B3GAT2: variants seen among roughly 807,000 people sequenced by gnomAD.
B3GAT2 encodes the protein beta-1,3-glucuronyltransferase 2.
In B3GAT2, 26 loss-of-function variants were observed where a neutral mutation model predicts 27.8. The observed-to-expected ratio is 0.93, with a 90% CI of 0.68 to 1.30. B3GAT2 has a LOEUF of 1.30. B3GAT2 is among the 50% of genes most tolerant of loss of function. The probability of loss-of-function intolerance (pLI) is 0.00; values close to 1 mark genes in which losing one functional copy is unlikely to be tolerated. For missense variants in B3GAT2, 458 were observed against 459.0 expected (o/e 1.00, Z 0.02); for synonymous variants, 218 against 195.1 (o/e 1.12, Z -0.98).
rs78185032 is a variant in B3GAT2 at position 70,892,816 on chromosome 6, C to G, written c.736+1312G>C. ...TATGCCCCATGTTTTCAGGGCCATG[C>G]ACTCTGAGCGGGTCGAGGGCAGGCC... On this transcript the variant is annotated intron_variant, in intron 2 of 3. Coordinates refer to ENST00000230053, the MANE Select transcript of B3GAT2 (RefSeq NM_080742.3). Among the ~76,000 whole-genome samples, 592 of 152,336 alleles carry G rather than the reference C, an allele frequency of 3.9e-3. 7 individuals are homozygous for G. Among genetic ancestry groups the G allele is most frequent in the African/African-American group, 0.014 (581 of 41,568 alleles).
rs117334734 is a variant in B3GAT2 at position 70,957,039 on chromosome 6, G to C, written c.-610C>G. On this transcript the variant is annotated 5_prime_UTR_variant, in exon 1 of 4. Transcript: ENST00000230053. ...TCAGTCCCTTGCTCTTGTCTTCTCA[G>C]AACCTCTCCGGATCCAGCAGCAAGA... 7.2e-4 allele frequency: 715 copies of C among 987,492 alleles called. 9 individuals are homozygous for C. The East Asian group carries it at 0.05, about 70-fold the overall frequency. 61.2% of individuals were successfully genotyped at this position (987,492 alleles called of 1,614,324 possible).
chr6:70,870,846 T>G (rs1301211967), intron 2 of B3GAT2, among the ~76,000 whole-genome samples: 1 of 152,152 alleles, frequency 6.6e-6, no homozygotes, highest in Non-Finnish European at 1.5e-5. Flanking sequence ...CTTTCGGCAT[T>G]CAACTATTAA....
chr6:70,859,355 C>G lies in B3GAT2; in HGVS notation c.*2308G>C. The G allele has an allele frequency of 5.2e-6, 8 of 1,549,054 alleles. No individual in the cohort carries two copies. Among genetic ancestry groups the G allele is most frequent in the Non-Finnish European group, 7.0e-6 (8 of 1,146,260 alleles). On this transcript the variant is annotated 3_prime_UTR_variant, in exon 4 of 4. Transcript: ENST00000230053. The stretch of plus-strand genomic sequence containing the variant: ...TAATGCAGAAGGGTGATGCTGTTCT[C>G]CAGCACTCCATCAGTGCAATCTACT...
chr6:70,911,736 A>G (rs931475543), intron 1 of B3GAT2, among the ~76,000 whole-genome samples: 7 of 152,224 alleles, frequency 4.6e-5, no homozygotes, highest in African/African-American at 1.7e-4. Flanking sequence ...TGCTTTGGGC[A>G]GTATGGCCAC....
At position 70,860,800 on chromosome 6, in the gene B3GAT2, T is replaced by TATC. The variant is rs1310614454; in HGVS notation, c.*860_*862dup. The TATC allele has an allele frequency of 2.5e-6, 1 of 398,342 alleles. No individual in the cohort carries two copies. The highest frequency in any genetic ancestry group is 4.4e-6 in the Non-Finnish European group (1 of 225,722). The allele number at this position is 398,342 out of a possible 1,614,324, so 24.7% of individuals were successfully genotyped here. A position where few individuals can be genotyped will look rare whatever the true frequency, so the allele number is the denominator to read the frequency against. On this transcript the variant is annotated 3_prime_UTR_variant, in exon 4 of 4. Transcript: ENST00000230053. ...TCTCACTGAGCACTGTTTTCTAGTG[T>TATC]ATCAAAATGCTCTTATTTCATCATT...
intron 1 of B3GAT2, among the ~76,000 whole-genome samples, chr6:70,924,671 C>G (rs771018476): frequency 6.6e-6 from 1 of 152,140 alleles, no homozygotes; most frequent in Admixed American, 6.5e-5. Flanking sequence ...ATCCAACCAG[C>G]CTGCATCTTG....
In B3GAT2 at chr6:70,858,605, C is replaced by T. The variant is rs1013557275; in HGVS notation, c.*3058G>A. ...CCAGCTTGCTGGTGGGACATTTTTA[C>T]AGTCCACTTAGACAACTTAGCTTCA... On this transcript the variant is annotated 3_prime_UTR_variant, in exon 4 of 4. Transcript: ENST00000230053. 2.6e-4 allele frequency: 43 copies of T among 163,390 alleles called. 1 individual carries two copies. Among genetic ancestry groups the T allele is most frequent in the Middle Eastern group, 2.9e-3 (1 of 350 alleles). 10.1% of individuals were successfully genotyped at this position (163,390 alleles called of 1,614,324 possible). A position where few individuals can be genotyped will look rare whatever the true frequency, so the allele number is the denominator to read the frequency against.
At chr6:70,925,135 T>C (rs1029401298) in intron 1 of B3GAT2, among the ~76,000 whole-genome samples, 1 of 152,002 alleles carries the variant, frequency 6.6e-6, no homozygotes, top group African/African-American at 2.4e-5. Context: ...TTGTCATCTC[T>C]CTCCCTGCCA....
intron 1 of B3GAT2, among the ~76,000 whole-genome samples, chr6:70,929,087 A>T (rs1223993726): frequency 6.6e-6 from 1 of 152,086 alleles, no homozygotes; most frequent in Non-Finnish European, 1.5e-5. Context: ...GGAAACCATC[A>T]TTCTCAGCAA....
At chr6:70,935,594 A>G (rs1215677503) in intron 1 of B3GAT2, among the ~76,000 whole-genome samples, 1 of 152,188 alleles carries the variant, frequency 6.6e-6, no homozygotes, top group Non-Finnish European at 1.5e-5. Context: ...TTCATTACAA[A>G]TGTCAACATT....
At chr6:70,928,653 G>T (rs891667647) in intron 1 of B3GAT2, among the ~76,000 whole-genome samples, 22 of 152,148 alleles carry the variant, frequency 1.4e-4, no homozygotes, top group Non-Finnish European at 5.9e-5. Flanking sequence ...TTGAATCCCT[G>T]AATAGACCAA....
chr6:70,885,536 C>A (rs901136971), intron 2 of B3GAT2, among the ~76,000 whole-genome samples: 2 of 152,150 alleles, frequency 1.3e-5, no homozygotes, highest in Non-Finnish European at 2.9e-5. Flanking sequence ...TGCCATCCTG[C>A]ATGCTGAGCC....
chr6:70,897,910 T>G (rs927864704), intron 1 of B3GAT2, among the ~76,000 whole-genome samples: 2 of 152,152 alleles, frequency 1.3e-5, no homozygotes, highest in African/African-American at 4.8e-5. Context: ...TTTTCAAAAA[T>G]CAGCTATGCA....
At chr6:70,881,702 C>T (rs1334104514) in intron 2 of B3GAT2, among the ~76,000 whole-genome samples, 2 of 152,144 alleles carry the variant, frequency 1.3e-5, no homozygotes, top group African/African-American at 4.8e-5. Context: ...CTCTGCCATG[C>T]GAGGAAGCTG....
At chr6:70,890,833 TG>T (rs957957275) in intron 2 of B3GAT2, among the ~76,000 whole-genome samples, 3 of 152,224 alleles carry the variant, frequency 2.0e-5, no homozygotes, top group African/African-American at 7.2e-5. Context: ...GCAACTCAAC[TG>T]GGAACTGCAT....
At chr6:70,867,732 A>G (rs187156759) in intron 2 of B3GAT2, among the ~76,000 whole-genome samples, 1 of 152,282 alleles carries the variant, frequency 6.6e-6, no homozygotes, top group African/African-American at 2.4e-5. Context: ...AATTCTACCA[A>G]GCATTTAAGG....
At chr6:70,876,289 G>T (rs1287233960) in intron 2 of B3GAT2, among the ~76,000 whole-genome samples, 2 of 152,194 alleles carry the variant, frequency 1.3e-5, no homozygotes, top group African/African-American at 2.4e-5. Context: ...ATTCACTAAT[G>T]AAGCTATTAC....
intron 1 of B3GAT2, among the ~76,000 whole-genome samples, chr6:70,925,751 C>A (rs1772945461): frequency 6.6e-6 from 1 of 152,202 alleles, no homozygotes; most frequent in African/African-American, 2.4e-5. Context: ...GCAGCAGAAA[C>A]CTGCAGACTT....
intron 1 of B3GAT2, among the ~76,000 whole-genome samples, chr6:70,940,157 C>T (rs375122202): frequency 1.2e-3 from 188 of 152,156 alleles, no homozygotes; most frequent in African/African-American, 4.1e-3. Flanking sequence ...CACACAGACA[C>T]CCCCTCGCCC....
Sources: gnomAD v4.1 joint callset for allele counts (sites outside exome capture counted in the v4.1 genomes callset) on GRCh38, gnomAD v4.1.1 for gene constraint, MANE v1.5 for transcripts, NCBI Gene and HGNC (gene_info 2026-07-23, HGNC 2026-07-21) for gene names.